PDGFD: variants seen among roughly 807,000 people sequenced by gnomAD.
The protein encoded by PDGFD is platelet-derived growth factor D.
Under a neutral mutation model 44.7 loss-of-function variants are expected in PDGFD, and 30 were observed. That is an observed-to-expected ratio of 0.67 (90% CI 0.50 to 0.91). The LOEUF (loss-of-function observed/expected upper bound fraction) is 0.91. Among genes scored for constraint, PDGFD ranks in the 40% least tolerant of loss-of-function variants. PDGFD has a pLI of 0.00. For missense variants in PDGFD, 445 were observed against 457.8 expected (o/e 0.97, Z 0.25); for synonymous variants, 173 against 168.4 (o/e 1.03, Z -0.21).
chr11:104,131,997 C>A (rs202053729), intron 1 of PDGFD, among the ~76,000 whole-genome samples: 2 of 145,106 alleles, frequency 1.4e-5, no homozygotes, highest in Admixed American at 6.8e-5. Flanking sequence ...CAAAACAAAA[C>A]AAAAAAAACA....
chr11:103,931,793 C>G (rs1171361934), intron 5 of PDGFD, among the ~76,000 whole-genome samples: 1 of 152,098 alleles, frequency 6.6e-6, no homozygotes. Context: ...ACCATGTTGG[C>G]ACCAGTAATC....
At chr11:103,925,101 A>G (rs903216743) in intron 6 of PDGFD, among the ~76,000 whole-genome samples, 11 of 152,130 alleles carry the variant, frequency 7.2e-5, no homozygotes, top group Admixed American at 6.5e-4. Flanking sequence ...GATGGTTTCT[A>G]GCTTCATCCG....
intron 1 of PDGFD, among the ~76,000 whole-genome samples, chr11:104,100,293 TCCC>T (rs1343025780): frequency 6.6e-6 from 1 of 151,880 alleles, no homozygotes; most frequent in African/African-American, 2.4e-5. Context: ...TCACCACCAA[TCCC>T]ACAGAAATAC....
Position 103,960,855 on chromosome 11 carries a change from G to C in PDGFD, c.511-13131C>G, listed in dbSNP as rs1804669010. Among the ~76,000 whole-genome samples the C allele has an allele frequency of 2.2e-5, 3 of 136,352 alleles. No homozygotes were observed. The South Asian group carries it at 6.8e-4, about 31-fold the overall frequency. The allele number at this position is 136,352 out of a possible 152,430, so 89.5% of individuals were successfully genotyped here. On this transcript the variant is annotated intron_variant, in intron 3 of 6. Transcript: ENST00000393158. ...CTTCTTGCTGTGCCCACACATGGTA[G>C]AGAGAGAGAGAGATCTTTTCTCTCA...
intron 3 of PDGFD, among the ~76,000 whole-genome samples, chr11:103,972,070 CCT>C (rs749662164): frequency 6.6e-6 from 1 of 152,184 alleles, no homozygotes; most frequent in Non-Finnish European, 1.5e-5. Flanking sequence ...TCTCTTCAAA[CCT>C]CTGTCTCTTA....
chr11:103,956,068 T>A (rs1330269315), intron 3 of PDGFD, among the ~76,000 whole-genome samples: 1 of 39,222 alleles, frequency 2.5e-5, no homozygotes, highest in African/African-American at 7.5e-5. Flanking sequence ...AGTTTGGGAA[T>A]TTTTTTTTTT....
chr11:104,066,977 T>C lies in PDGFD; in HGVS notation c.125-66722A>G, dbSNP rs560036445. Among the ~76,000 whole-genome samples the C allele has an allele frequency of 3.3e-5, 5 of 152,326 alleles. No homozygotes were observed. In the South Asian group the frequency reaches 6.2e-4, roughly 19 times the overall value. On this transcript the variant is annotated intron_variant, in intron 1 of 6. Coordinates refer to ENST00000393158, the MANE Select transcript of PDGFD (RefSeq NM_025208.5). ...TCTAATAGTTATTGTGGACCAAATA[T>C]GGTCCAAGCACTGTGTTAGGTGCTG...
At chr11:103,979,413 C>T (rs1035023248) in intron 3 of PDGFD, among the ~76,000 whole-genome samples, 1 of 151,976 alleles carries the variant, frequency 6.6e-6, no homozygotes, top group Admixed American at 6.6e-5. Flanking sequence ...CTCTCTTCTC[C>T]CATCCTACAA....
chr11:103,979,832 T>C (rs1219412186), intron 3 of PDGFD, among the ~76,000 whole-genome samples: 1 of 152,136 alleles, frequency 6.6e-6, no homozygotes. Context: ...ATACATTTTT[T>C]TGTTACACAA....
intron 1 of PDGFD, among the ~76,000 whole-genome samples, chr11:104,077,170 G>T (rs1172893455): frequency 6.6e-6 from 1 of 152,122 alleles, no homozygotes; most frequent in Admixed American, 6.6e-5. Flanking sequence ...ACAGTGGATT[G>T]CTGGAGAAAA....
At chr11:104,017,400 C>T (rs533012555) in intron 1 of PDGFD, among the ~76,000 whole-genome samples, 1 of 152,080 alleles carries the variant, frequency 6.6e-6, no homozygotes, top group African/African-American at 2.4e-5. Context: ...AACACCAGGA[C>T]ATCAGATAGG....
At chr11:104,023,384 G>A (rs1339849473) in intron 1 of PDGFD, among the ~76,000 whole-genome samples, 1 of 151,988 alleles carries the variant, frequency 6.6e-6, no homozygotes, top group Non-Finnish European at 1.5e-5. Flanking sequence ...TTAAGGTGAG[G>A]TATCTGCCAT....
chr11:103,926,000 A>G (rs569638685), intron 6 of PDGFD, among the ~76,000 whole-genome samples: 1 of 152,126 alleles, frequency 6.6e-6, no homozygotes, highest in South Asian at 2.1e-4. Flanking sequence ...AAGTGCTAGG[A>G]TTACAGGCGT....
chr11:103,915,683 C>G (rs1400298939), intron 6 of PDGFD, among the ~76,000 whole-genome samples: 1 of 152,164 alleles, frequency 6.6e-6, no homozygotes, highest in Non-Finnish European at 1.5e-5. Flanking sequence ...TGCTACCTGA[C>G]TTAAAACTAT....
At chr11:103,935,750 C>T (rs1858478923) in intron 5 of PDGFD, among the ~76,000 whole-genome samples, 1 of 152,092 alleles carries the variant, frequency 6.6e-6, no homozygotes, top group Non-Finnish European at 1.5e-5. Context: ...CAAATAATAA[C>T]AGTAGCTATC....
rs2134341643 is a variant in PDGFD at position 103,967,492 on chromosome 11, A to C, written c.511-19768T>G. ...ATCGTTGTGTATCTCTCTTGCTAATATCTCTCTCTTCGATCTCACTGAGCC... is the reference window on the plus strand; with the variant it reads ...ATCGTTGTGTATCTCTCTTGCTAATCTCTCTCTCTTCGATCTCACTGAGCC... On this transcript the variant is annotated intron_variant, in intron 3 of 6. Transcript: ENST00000393158. 2.0e-5 allele frequency among the ~76,000 whole-genome samples: 3 copies of C among 152,212 alleles called. No individual in the cohort carries two copies. In the South Asian group the frequency reaches 6.2e-4, roughly 32 times the overall value.
At chr11:104,037,918 T>C (rs1477560948) in intron 1 of PDGFD, 2 of 1,613,530 alleles carry the variant, frequency 1.2e-6, no homozygotes, top group Admixed American at 1.7e-5. Context: ...TGAGGGAGAG[T>C]TGCCCTTATG....
At chr11:104,146,442 C>G (rs1313773698) in intron 1 of PDGFD, among the ~76,000 whole-genome samples, 1 of 152,184 alleles carries the variant, frequency 6.6e-6, no homozygotes, top group Non-Finnish European at 1.5e-5. Flanking sequence ...TCCCGCTGCA[C>G]TAAATTTTTC....
At chr11:104,080,672 C>CAT (rs1349541871) in intron 1 of PDGFD, among the ~76,000 whole-genome samples, 1 of 152,180 alleles carries the variant, frequency 6.6e-6, no homozygotes, top group Non-Finnish European at 1.5e-5. Context: ...GTGTAGCACC[C>CAT]TTATGCTTTG....
Sources: allele counts gnomAD v4.1 joint callset (sites outside exome capture counted in the v4.1 genomes callset), GRCh38; gene constraint gnomAD v4.1.1; transcripts MANE v1.5; gene names NCBI Gene and HGNC (gene_info 2026-07-23, HGNC 2026-07-21).